Variants in SARNP observed in about 807,000 individuals in gnomAD.
SARNP encodes the protein SAP domain containing ribonucleoprotein, also known as SAP domain-containing ribonucleoprotein.
SARNP carries 5 observed loss-of-function variants against 38.1 expected under a neutral mutation model. The ratio of observed to expected loss-of-function variants is 0.13; its 90% CI spans 0.07 to 0.28. SARNP has a LOEUF of 0.28. Ranked by LOEUF, SARNP falls within the 10% of genes least tolerant of loss-of-function variation. SARNP has a pLI of 1.00. For synonymous variants in SARNP, 84 were observed against 80.6 expected (o/e 1.04, Z -0.23); for missense variants, 180 against 243.9 (o/e 0.74, Z 1.75).
At chr12:55,780,230 A>C (rs1879301192) in intron 9 of SARNP, among the ~76,000 whole-genome samples, 1 of 152,120 alleles carries the variant, frequency 6.6e-6, no homozygotes, top group Admixed American at 6.6e-5. Flanking sequence ...AGGTGGATAG[A>C]TCACAAGGTC....
intron 1 of SARNP, among the ~76,000 whole-genome samples, chr12:55,810,430 C>A (rs1880290367): frequency 6.6e-6 from 1 of 151,110 alleles, no homozygotes; most frequent in African/African-American, 2.4e-5. Flanking sequence ...CCTGTGATTT[C>A]TTCTAGTTAA....
At chr12:55,797,327 G>A (rs1037578290) in intron 4 of SARNP, among the ~76,000 whole-genome samples, 2 of 152,168 alleles carry the variant, frequency 1.3e-5, no homozygotes, top group African/African-American at 4.8e-5. Flanking sequence ...TTAGCTGGTT[G>A]GGGGTTGGGA....
chr12:55,803,109 A>T (rs1275219199), intron 2 of SARNP, among the ~76,000 whole-genome samples: 1 of 152,122 alleles, frequency 6.6e-6, no homozygotes, highest in Non-Finnish European at 1.5e-5. Context: ...TGGGTTGGGG[A>T]GAAAGTGAAA....
At chr12:55,780,809 T>G (rs918893125) in intron 9 of SARNP, among the ~76,000 whole-genome samples, 8 of 152,190 alleles carry the variant, frequency 5.3e-5, no homozygotes, top group Admixed American at 3.3e-4. Flanking sequence ...AAGGGGATGA[T>G]TCACATACCC....
chr12:55,789,494 T>C (rs1397743667), intron 8 of SARNP, among the ~76,000 whole-genome samples: 3 of 152,230 alleles, frequency 2.0e-5, no homozygotes, highest in Non-Finnish European at 4.4e-5. Flanking sequence ...AATTCTCATG[T>C]GGTCTCTGCA....
At chr12:55,761,933 A>G (rs1272819988) in intron 9 of SARNP, 1 of 152,212 alleles carries the variant, frequency 6.6e-6, no homozygotes, top group African/African-American at 2.4e-5. Context: ...CATCCTCACT[A>G]AAGAGCAGGA....
intron 9 of SARNP, among the ~76,000 whole-genome samples, chr12:55,777,706 G>GTC (rs950265048): frequency 8.5e-5 from 13 of 152,176 alleles, no homozygotes; most frequent in African/African-American, 3.1e-4. Flanking sequence ...CAACTTATAT[G>GTC]TCTAACGTCT....
intron 1 of SARNP, among the ~76,000 whole-genome samples, chr12:55,816,802 A>C (rs1324636654): frequency 1.3e-5 from 2 of 152,154 alleles, no homozygotes. Flanking sequence ...TTATATATCT[A>C]AGTGTGAAAA....
intron 1 of SARNP, among the ~76,000 whole-genome samples, chr12:55,805,852 T>TAAATAA (rs1209764655): frequency 1.3e-5 from 2 of 150,918 alleles, no homozygotes; most frequent in East Asian, 1.9e-4. Flanking sequence ...CTCAAAAAAA[T>TAAATAA]AAATAAAAAT....
At position 55,757,309 on chromosome 12, in the gene SARNP, C is replaced by G. The variant is rs1041806171; in HGVS notation, c.*203G>C. 29 of 407,644 alleles carry G rather than the reference C, an allele frequency of 7.1e-5. No individual in the cohort carries two copies. The highest frequency in any genetic ancestry group is 3.9e-4 in the African/African-American group (19 of 48,532). The allele number at this position is 407,644 out of a possible 1,614,324, so 25.3% of individuals were successfully genotyped here. ...TTTTTTTATTAACAAGCAACATAAT[C>G]AAAAACAAAAACACAACAACCTTAA... On this transcript the variant is annotated 3_prime_UTR_variant, in exon 11 of 11. Coordinates refer to ENST00000336133, the MANE Select transcript of SARNP (RefSeq NM_033082.4).
intron 7 of SARNP, among the ~76,000 whole-genome samples, chr12:55,791,960 T>C (rs1225444646): frequency 1.3e-5 from 2 of 152,130 alleles, no homozygotes; most frequent in Non-Finnish European, 2.9e-5. Context: ...CTATTAATTT[T>C]AACTATTATC....
At chr12:55,753,194 G>A (rs1396885140), downstream of SARNP, 1 of 152,172 alleles carries the variant, frequency 6.6e-6, no homozygotes, top group Non-Finnish European at 1.5e-5. Flanking sequence ...CTCTTGAGAT[G>A]ATCCAGCTAG....
chr12:55,807,149 C>T (rs963672410), intron 1 of SARNP, among the ~76,000 whole-genome samples: 6 of 152,052 alleles, frequency 3.9e-5, no homozygotes, highest in Non-Finnish European at 8.8e-5. Flanking sequence ...AATCAGGTCA[C>T]GGAGCAATAC....
chr12:55,775,549 CAAAAACAAAAAAA>C (rs1879156719), intron 9 of SARNP, among the ~76,000 whole-genome samples: 5 of 114,620 alleles, frequency 4.4e-5, no homozygotes, highest in Non-Finnish European at 8.9e-5. Context: ...AAACAAAAAA[CAAAAACAAAAAAA>C]AAAAACTATG....
intron 2 of SARNP, among the ~76,000 whole-genome samples, chr12:55,802,078 T>C (rs199998969): frequency 4.6e-5 from 7 of 152,080 alleles, no homozygotes; most frequent in African/African-American, 1.7e-4. Context: ...ATGGAGAACA[T>C]AAAACAGCCA....
intron 1 of SARNP, among the ~76,000 whole-genome samples, chr12:55,811,172 A>T (rs976398292): frequency 6.6e-6 from 1 of 152,178 alleles, no homozygotes. Context: ...ACCACCTATA[A>T]CATATATGAT....
intron 9 of SARNP, chr12:55,761,956 CTTTA>C (rs1200656170): frequency 6.6e-6 from 1 of 152,212 alleles, no homozygotes; most frequent in Admixed American, 6.5e-5. Context: ...GTTTCTTTGA[CTTTA>C]TTTACGTTGT....
intron 6 of SARNP, 68 bp from the exon 7 acceptor site, chr12:55,794,455 C>A: frequency 7.4e-7 from 1 of 1,352,156 alleles, no homozygotes; most frequent in South Asian, 1.2e-5. Context: ...GTCTCCGTGT[C>A]AAGTATACAT....
At chr12:55,808,966 G>A (rs1880241547) in intron 1 of SARNP, among the ~76,000 whole-genome samples, 2 of 152,114 alleles carry the variant, frequency 1.3e-5, no homozygotes, top group Non-Finnish European at 1.5e-5. Flanking sequence ...AACACTTTGG[G>A]AGGCTAGAGG....
Sources: gnomAD v4.1 joint callset for allele counts (sites outside exome capture counted in the v4.1 genomes callset) on GRCh38, gnomAD v4.1.1 for gene constraint, MANE v1.5 for transcripts, NCBI Gene and HGNC (gene_info 2026-07-23, HGNC 2026-07-21) for gene names.